PLEKHA7: variants seen among roughly 807,000 people sequenced by gnomAD.
PLEKHA7 encodes pleckstrin homology domain containing A7, also known as pleckstrin homology domain-containing family A member 7.
PLEKHA7 carries 104 observed loss-of-function variants against 170.0 expected under a neutral mutation model. That is an observed-to-expected ratio of 0.61 (90% confidence interval 0.52 to 0.72). The LOEUF (loss-of-function observed/expected upper bound fraction) is 0.72, where lower values mean the gene tolerates loss of function less well. Ranked by LOEUF, PLEKHA7 falls within the 30% of genes least tolerant of loss-of-function variation. The pLI, the probability that PLEKHA7 is intolerant of heterozygous loss-of-function variation, is 0.00. For missense variants in PLEKHA7, 1,615 were observed against 1,671.7 expected, an observed-to-expected ratio of 0.97 and a Z score of 0.59; for synonymous variants, 648 against 660.8, an observed-to-expected ratio of 0.98 and a Z score of 0.30.
At chr11:16,892,616 CTTCT>C (rs1249517633) in intron 3 of PLEKHA7, among the ~76,000 whole-genome samples, 1 of 82,858 alleles carries the variant, frequency 1.2e-5, no homozygotes, top group Admixed American at 1.3e-4. Flanking sequence ...CAGCTTCCAG[CTTCT>C]TTTTTTTTTT....
At chr11:16,909,748 T>C (rs367794090) in intron 3 of PLEKHA7, among the ~76,000 whole-genome samples, 109 of 152,354 alleles carry the variant, frequency 7.2e-4, no homozygotes, top group African/African-American at 2.3e-3. Context: ...CTGCATCTTT[T>C]TGCAGCCTGA....
chr11:16,966,929 G>A (rs1862409585), intron 3 of PLEKHA7, among the ~76,000 whole-genome samples: 1 of 152,132 alleles, frequency 6.6e-6, no homozygotes, highest in Admixed American at 6.5e-5. Flanking sequence ...CCCCAGCCTT[G>A]TGGCTTCATG....
intron 9 of PLEKHA7, among the ~76,000 whole-genome samples, chr11:16,841,160 G>T (rs1262651195): frequency 6.6e-6 from 1 of 152,184 alleles, no homozygotes; most frequent in East Asian, 1.9e-4. Context: ...ATGCTTGGTT[G>T]AACTATTTCA....
intron 3 of PLEKHA7, among the ~76,000 whole-genome samples, chr11:16,957,696 TC>T (rs374969670): frequency 0.028 from 3,168 of 114,170 alleles, 174 homozygotes; most frequent in Non-Finnish European, 0.034. Context: ...ATAATTTTTT[TC>T]TTTTTTTTTT....
rs115030755 is a variant in PLEKHA7 at position 16,891,480 on chromosome 11, A to T, written c.222-20298T>A. Reference sequence around the variant, plus strand: ...GACTTCTTGTCTCTGGAAATGTAAGAGAATACATTTCTGTTGTTTTATACT... The same window carrying T: ...GACTTCTTGTCTCTGGAAATGTAAGTGAATACATTTCTGTTGTTTTATACT... On this transcript the variant is annotated intron_variant, in intron 3 of 26. Coordinates refer to ENST00000531066, the MANE Select transcript of PLEKHA7 (RefSeq NM_001329630.2). Among the ~76,000 whole-genome samples the T allele has an allele frequency of 8.7e-3, 1,332 of 152,290 alleles. 14 individuals are homozygous for T. The highest frequency in any genetic ancestry group is 0.03 in the African/African-American group (1,255 of 41,540).
chr11:16,833,647 T>C (rs1851293463), intron 9 of PLEKHA7, among the ~76,000 whole-genome samples: 2 of 152,194 alleles, frequency 1.3e-5, no homozygotes, highest in African/African-American at 2.4e-5. Context: ...GAATCTGTCA[T>C]GGACAACCTG....
At chr11:16,996,839 G>C (rs1054304409) in intron 3 of PLEKHA7, among the ~76,000 whole-genome samples, 1 of 152,170 alleles carries the variant, frequency 6.6e-6, no homozygotes, top group African/African-American at 2.4e-5. Context: ...AGGAGGCTGA[G>C]GCAGGAGAAT....
At chr11:16,855,352 T>A (rs1022924941) in intron 5 of PLEKHA7, among the ~76,000 whole-genome samples, 5 of 152,206 alleles carry the variant, frequency 3.3e-5, no homozygotes, top group Admixed American at 6.5e-5. Flanking sequence ...ACCCCTCCTA[T>A]CTGGGTTCAA....
chr11:17,002,843 G>GTTAATA (rs150734776), intron 3 of PLEKHA7, among the ~76,000 whole-genome samples: 7,797 of 151,994 alleles, frequency 0.051, 370 homozygotes, highest in East Asian at 0.14. Flanking sequence ...CTCACCCACT[G>GTTAATA]TTAATATTTT....
chr11:16,804,812 T>G (rs955914652), intron 13 of PLEKHA7, among the ~76,000 whole-genome samples: 3 of 152,152 alleles, frequency 2.0e-5, no homozygotes, highest in African/African-American at 7.2e-5. Context: ...TATGTGTACA[T>G]ACACGTATAC....
rs1213182806 is a variant in PLEKHA7, at chr11:16,851,311, T to A, written c.596-20A>T. 4 of 1,593,266 alleles carry A rather than the reference T, an allele frequency of 2.5e-6. No homozygotes were observed. The highest frequency in any genetic ancestry group is 3.4e-6 in the Non-Finnish European group (4 of 1,164,922). On this transcript the variant is annotated intron_variant, in intron 7 of 26. Coordinates refer to ENST00000531066, the MANE Select transcript of PLEKHA7 (RefSeq NM_001329630.2). ...GGCTGTCTTTGAATGGAAAAATGCA[T>A]CAGAACAACCTTCTGGGCAGTTTCC...
intron 3 of PLEKHA7, among the ~76,000 whole-genome samples, chr11:16,986,917 A>C (rs1223753628): frequency 6.6e-6 from 1 of 152,212 alleles, no homozygotes; most frequent in East Asian, 1.9e-4. Context: ...AGGTTTTAAC[A>C]AGGTGGTCCA....
intron 4 of PLEKHA7, among the ~76,000 whole-genome samples, chr11:16,858,110 G>A (rs571255588): frequency 3.8e-4 from 58 of 152,296 alleles, no homozygotes; most frequent in Non-Finnish European, 2.6e-4. Flanking sequence ...AAAACTGAGA[G>A]AAAAACATCA....
intron 3 of PLEKHA7, among the ~76,000 whole-genome samples, chr11:16,887,192 T>G (rs888531225): frequency 6.6e-6 from 1 of 151,966 alleles, no homozygotes; most frequent in Non-Finnish European, 1.5e-5. Context: ...GCTTCAACAA[T>G]AGGCTAGGCC....
At chr11:17,013,033 TCCAGAC>T (rs1865409999) in intron 3 of PLEKHA7, 2 of 152,250 alleles carry the variant, frequency 1.3e-5, no homozygotes, top group African/African-American at 2.4e-5. Context: ...CAGACCACCG[TCCAGAC>T]CTTTGGCGAG....
At chr11:16,959,665 C>G (rs1044096519) in intron 3 of PLEKHA7, among the ~76,000 whole-genome samples, 2 of 152,178 alleles carry the variant, frequency 1.3e-5, no homozygotes, top group South Asian at 4.1e-4. Context: ...TCCGTGAAAC[C>G]ACAGTGGTAT....
chr11:16,876,883 T>A (rs1432554869), intron 3 of PLEKHA7, among the ~76,000 whole-genome samples: 2 of 152,206 alleles, frequency 1.3e-5, no homozygotes, highest in Non-Finnish European at 2.9e-5. Context: ...TTTTTTGGCA[T>A]GGCAAGAAGT....
intron 3 of PLEKHA7, among the ~76,000 whole-genome samples, chr11:16,974,267 C>CAA (rs35695770): frequency 6.1e-4 from 71 of 116,870 alleles, no homozygotes; most frequent in East Asian, 2.5e-3. Flanking sequence ...ACCCTGTCTC[C>CAA]AAAAAAAAAA....
chr11:16,779,211 C>T (rs1848842256), intron 26 of PLEKHA7, among the ~76,000 whole-genome samples, 191 bp from the exon 27 acceptor site: 1 of 152,362 alleles, frequency 6.6e-6, no homozygotes, highest in East Asian at 1.9e-4. Context: ...CCCTGCACCC[C>T]TATTCCACTG....
Sources: gnomAD v4.1 joint callset for allele counts (sites outside exome capture counted in the v4.1 genomes callset) on GRCh38, gnomAD v4.1.1 for gene constraint, MANE v1.5 for transcripts, NCBI Gene and HGNC (gene_info 2026-07-23, HGNC 2026-07-21) for gene names.